ANKRD13D: variants seen among roughly 807,000 people sequenced by gnomAD.
ANKRD13D encodes the protein ankyrin repeat domain 13D.
Under a neutral mutation model 68.8 loss-of-function variants are expected in ANKRD13D, and 24 were observed. The ratio of observed to expected loss-of-function variants is 0.35; its 90% CI spans 0.25 to 0.49. The LOEUF is 0.49. Ranked by LOEUF, ANKRD13D falls within the 20% of genes least tolerant of loss-of-function variation. The pLI is 0.99. For synonymous variants in ANKRD13D, 331 were observed against 336.1 expected (o/e 0.98, Z 0.16); for missense variants, 735 against 832.1 (o/e 0.88, Z 1.44).
chr11:67,290,908 C>T (rs1489779137), intron 3 of ANKRD13D: 1 of 179,884 alleles, frequency 5.6e-6, no homozygotes, highest in East Asian at 1.5e-4. Context: ...AAAGGCTCCC[C>T]CAGGGCTCTG....
intron 6 of ANKRD13D, chr11:67,298,317 T>G (rs1860844041): frequency 6.6e-6 from 1 of 151,602 alleles, no homozygotes; most frequent in African/African-American, 2.4e-5. Flanking sequence ...CCCCCTTGGC[T>G]TCCCAAACTG....
intron 1 of ANKRD13D, 163 bp from the exon 2 acceptor site, chr11:67,289,915 C>T: frequency 6.9e-7 from 1 of 1,442,056 alleles, no homozygotes; most frequent in Middle Eastern, 1.8e-4. Context: ...TCCCTCCTGC[C>T]CCCTCCTCTC....
Position 67,289,805 on chromosome 11 carries a change from A to G in ANKRD13D, c.90+255A>G, listed in dbSNP as rs569538493. Reference sequence around the variant, plus strand: ...ATCCTTGCTGACCCAAGCTGAGAACAAGAACTCTGGTCCTGGTCCCCAGGT... The same window carrying G: ...ATCCTTGCTGACCCAAGCTGAGAACGAGAACTCTGGTCCTGGTCCCCAGGT... On this transcript the variant is annotated intron_variant, in intron 1 of 14. Coordinates refer to ENST00000511455, the MANE Select transcript of ANKRD13D (RefSeq NM_207354.3). The G allele has an allele frequency of 2.8e-6, 4 of 1,421,456 alleles. No homozygotes were observed. In the African/African-American group the frequency reaches 5.8e-5, roughly 21 times the overall value. 88.1% of individuals were successfully genotyped at this position (1,421,456 alleles called of 1,614,324 possible). A position where few individuals can be genotyped will look rare whatever the true frequency, so the allele number is the denominator to read the frequency against.
rs1860865396 is a variant in ANKRD13D, at chr11:67,298,932, A to T, written c.732-126A>T. The T allele has an allele frequency of 3.2e-6, 3 of 948,504 alleles. No homozygotes were observed. In the East Asian group the frequency reaches 7.2e-5, roughly 23 times the overall value. The allele number at this position is 948,504 out of a possible 1,614,324, so 58.8% of individuals were successfully genotyped here. A position where few individuals can be genotyped will look rare whatever the true frequency, so the allele number is the denominator to read the frequency against. ...CCTCTTCAGGGGTCCTCCATGTTTC[A>T]TAGCGAGAAGGGGCCCTGAGAGTTG... On this transcript the variant is annotated intron_variant, in intron 6 of 14. Coordinates refer to ENST00000511455, the MANE Select transcript of ANKRD13D (RefSeq NM_207354.3).
Position 67,299,505 on chromosome 11 carries a change from G to A in ANKRD13D, c.799-25G>A. ...GTGGGGAGCAGGCTCTGAGCCCCCA[G>A]CTCCCCGTGTCCCCTGCTCCCCAGG... On this transcript the variant is annotated intron_variant, in intron 7 of 14. Transcript: ENST00000511455. The surrounding 1 kb of genome is among the most constrained non-coding windows in gnomAD (Gnocchi z 6.2). The A allele has an allele frequency of 2.6e-6, 4 of 1,545,596 alleles. No individual in the cohort carries two copies. The highest frequency in any genetic ancestry group is 3.5e-6 in the Non-Finnish European group (4 of 1,142,886).
chr11:67,292,306 C>A, intron 6 of ANKRD13D, 126 bp downstream of exon 6: 1 of 1,149,338 alleles, frequency 8.7e-7, no homozygotes. Flanking sequence ...AGGGGCTGCT[C>A]AGGGGCAGGT....
chr11:67,291,219 T>G, intron 3 of ANKRD13D: 1 of 460,966 alleles, frequency 2.2e-6, no homozygotes, highest in Non-Finnish European at 3.8e-6. Context: ...TAGCTGGGAG[T>G]GGTGGCACAC....
Position 67,302,270 on chromosome 11 carries a change from C to T in ANKRD13D, c.1756C>T (p.Arg586Cys), listed in dbSNP as rs747290839. 15 of 1,568,726 alleles carry T rather than the reference C, an allele frequency of 9.6e-6. No homozygotes were observed. Among genetic ancestry groups the T allele is most frequent in the Non-Finnish European group, 1.2e-5 (14 of 1,156,274 alleles). The change falls in exon 15 of 15, where the codon CGC becomes TGC. Residue 586 changes from arginine (R) to cysteine (C), a missense_variant. Transcript: ENST00000511455. ...SSREQEERER[R>C]GQQEEEDLQR... ...ACGGGAGCAGGAGGAGCGGGAGCGG[C>T]GCGGGCAGCAGGAGGAGGAGGACTT...
intron 1 of ANKRD13D, 71 bp downstream of exon 1, chr11:67,289,621 GCCCCCCCCC>G: frequency 1.2e-6 from 1 of 807,414 alleles, no homozygotes; most frequent in African/African-American, 5.5e-5. Flanking sequence ...CCGTCCTGGA[GCCCCCCCCC>G]CCCCCCCGCC....
chr11:67,293,615 G>A (rs1340177283), intron 6 of ANKRD13D, among the ~76,000 whole-genome samples: 1 of 152,156 alleles, frequency 6.6e-6, no homozygotes, highest in African/African-American at 2.4e-5. Flanking sequence ...GATCTAAGTA[G>A]CTGGGACTAC....
rs1349357078 is a variant in ANKRD13D at position 67,299,619 on chromosome 11, C to T, written c.880+8C>T. The T allele has an allele frequency of 6.4e-7, 1 of 1,550,762 alleles. No homozygotes were observed. The highest frequency in any genetic ancestry group is 8.7e-7 in the Non-Finnish European group (1 of 1,146,872). On this transcript the variant is annotated splice_region_variant and intron_variant, in intron 8 of 14. Coordinates refer to ENST00000511455, the MANE Select transcript of ANKRD13D (RefSeq NM_207354.3). This position sits in a 1 kb window ranked among gnomAD's most constrained non-coding sequence, Gnocchi z 6.2. ...ACAAGTCGAGGAGCAAAGGTAAACC[C>T]AGGTGCGCCTGCCTGCTGCCCGGTC...
chr11:67,301,709 G>C lies in ANKRD13D; in HGVS notation c.1513-23G>C, dbSNP rs771840399. ...CTGCAGCCACACGGCAGAAGTGACA[G>C]CTGTGGGCTCTGGTGGCTGCAGGTG... On this transcript the variant is annotated intron_variant, in intron 13 of 14. Coordinates refer to ENST00000511455, the MANE Select transcript of ANKRD13D (RefSeq NM_207354.3). The surrounding 1 kb of genome is among the most constrained non-coding windows in gnomAD (Gnocchi z 4.5). 1.2e-6 allele frequency: 2 copies of C among 1,611,376 alleles called. No homozygotes were observed. The highest frequency in any genetic ancestry group is 2.2e-5 in the South Asian group (2 of 90,992).
Position 67,300,184 on chromosome 11 carries a change from C to A in ANKRD13D, c.1073+61C>A. On this transcript the variant is annotated intron_variant, in intron 10 of 14. Transcript: ENST00000511455. The surrounding 1 kb of genome is among the most constrained non-coding windows in gnomAD (Gnocchi z 4.3). ...GACAAGGGCTCTTGCAGACCCCTCT[C>A]TGGGCCTGTCATAGTTAGGGACCCA... 1 of 1,602,380 alleles carries A rather than the reference C, an allele frequency of 6.2e-7. No homozygotes were observed. The highest frequency in any genetic ancestry group is 8.5e-7 in the Non-Finnish European group (1 of 1,173,290).
intron 6 of ANKRD13D, among the ~76,000 whole-genome samples, chr11:67,292,563 A>G (rs751119070): frequency 6.6e-6 from 1 of 152,082 alleles, no homozygotes; most frequent in African/African-American, 2.4e-5. Flanking sequence ...TGACCCTTCC[A>G]GCAAGAGTTT....
chr11:67,291,556 G>C (rs751347363), intron 4 of ANKRD13D, 35 bp downstream of exon 4: 9 of 1,613,756 alleles, frequency 5.6e-6, no homozygotes, highest in Non-Finnish European at 7.6e-6. Flanking sequence ...AGGGATTTGG[G>C]GTGGGGCCTT....
At chr11:67,294,295 G>A (rs545242835) in intron 6 of ANKRD13D, among the ~76,000 whole-genome samples, 4 of 152,090 alleles carry the variant, frequency 2.6e-5, no homozygotes, top group Non-Finnish European at 5.9e-5. Flanking sequence ...TCTAGATTCA[G>A]CTTGTCAATT....
At position 67,289,503 on chromosome 11, in the gene ANKRD13D, T is replaced by A; in HGVS notation, c.43T>A (p.Trp15Arg). ...CACCTTCCCGCTGCACCGGCTCGTC[T>A]GGGCGAACCGGCATCGCGAACTGGA... ...GPTFPLHRLV[W>R]ANRHRELEAA... The change falls in exon 1 of 15, where the codon TGG (tryptophan) becomes AGG (arginine). Residue 15 changes from tryptophan (W) to arginine (R), a missense_variant. Transcript: ENST00000511455. The A allele has an allele frequency of 1.3e-6, 2 of 1,520,134 alleles. No individual in the cohort carries two copies. The highest frequency in any genetic ancestry group is 1.8e-6 in the Non-Finnish European group (2 of 1,141,164). The allele number at this position is 1,520,134 out of a possible 1,614,324, so 94.2% of individuals were successfully genotyped here.
At chr11:67,289,661 T>C in intron 1 of ANKRD13D, 111 bp downstream of exon 1, 3 of 943,706 alleles carry the variant, frequency 3.2e-6, no homozygotes, top group East Asian at 4.5e-5. Flanking sequence ...CGCAGCCACA[T>C]CCTGGGCCTT....
At chr11:67,302,090 G>A (rs752616085) in intron 14 of ANKRD13D, 29 bp from the exon 15 acceptor site, 2 of 1,517,044 alleles carry the variant, frequency 1.3e-6, no homozygotes, top group Non-Finnish European at 1.8e-6. Flanking sequence ...TCACTGGCCT[G>A]TTCTTCCCTC....
Sources: gnomAD v4.1 joint callset for allele counts (sites outside exome capture counted in the v4.1 genomes callset) on GRCh38, gnomAD v4.1.1 for gene constraint, Gnocchi (gnomAD v3.1) non-coding constraint, MANE v1.5 for transcripts, NCBI Gene and HGNC (gene_info 2026-07-23, HGNC 2026-07-21) for gene names.